Variants in PDXDC1 observed in about 807,000 individuals in gnomAD.
PDXDC1 encodes the protein pyridoxal-dependent decarboxylase domain-containing protein 1.
PDXDC1 carries 42 observed loss-of-function variants against 100.1 expected under a neutral mutation model. The ratio of observed to expected loss-of-function variants is 0.42; its 90% CI spans 0.33 to 0.54. The LOEUF (loss-of-function observed/expected upper bound fraction) is 0.54. Among genes scored for constraint, PDXDC1 ranks in the 20% least tolerant of loss-of-function variants. The pLI, the probability that PDXDC1 is intolerant of heterozygous loss-of-function variation, is 0.10. For synonymous variants in PDXDC1, 260 were observed against 371.7 expected (o/e 0.70, Z 3.46); for missense variants, 636 against 979.2 (o/e 0.65, Z 4.68).
intron 16 of PDXDC1, chr16:15,126,091 C>T (rs1217367864): frequency 8.1e-6 from 4 of 496,208 alleles, no homozygotes; most frequent in Non-Finnish European, 1.5e-5. Context: ...CTGGAGTGCA[C>T]TGGCGCAATC....
In PDXDC1 at chr16:14,998,424, C is replaced by G. The variant is rs780612449; in HGVS notation, c.161+19C>G. On this transcript the variant is annotated intron_variant, in intron 3 of 22. Coordinates refer to ENST00000396410, the MANE Select transcript of PDXDC1 (RefSeq NM_015027.4). ...AGGGCAGGTAGGTGGCACTGAGGAT[C>G]CATACCTTTAGTTAAGGTGTAAATT... 3 of 1,605,494 alleles carry G rather than the reference C, an allele frequency of 1.9e-6. No homozygotes were observed. The highest frequency in any genetic ancestry group is 2.5e-6 in the Non-Finnish European group (3 of 1,176,914).
intron 1 of PDXDC1, chr16:14,975,479 T>G (rs1269073924): frequency 1.0e-6 from 1 of 985,362 alleles, no homozygotes; most frequent in Non-Finnish European, 1.2e-6. Flanking sequence ...AGCCCAGGAC[T>G]GGGACCGCGG....
chr16:15,142,813 C>A (rs2048495759), downstream of PDXDC1, among the ~76,000 whole-genome samples: 1 of 151,922 alleles, frequency 6.6e-6, no homozygotes, highest in African/African-American at 2.4e-5. Flanking sequence ...GCCCTGCCCC[C>A]ACGTTCTGGT....
intron 16 of PDXDC1, among the ~76,000 whole-genome samples, chr16:15,096,681 G>A (rs534091784): frequency 6.6e-6 from 1 of 152,344 alleles, no homozygotes; most frequent in South Asian, 2.1e-4. Context: ...ACAATTATCT[G>A]TTTTGTTTTG....
At chr16:15,123,723 T>G (rs1411664618) in intron 16 of PDXDC1, among the ~76,000 whole-genome samples, 1 of 120,840 alleles carries the variant, frequency 8.3e-6, no homozygotes, top group Non-Finnish European at 1.7e-5. Context: ...GTGCTAGAAG[T>G]CAATGATTAA....
chr16:15,086,241 A>G (rs762262305), intron 16 of PDXDC1: 4 of 1,585,332 alleles, frequency 2.5e-6, no homozygotes, highest in South Asian at 1.1e-5. Flanking sequence ...TTTGACTTCT[A>G]TTCAACCAAG....
At chr16:15,135,599 T>C in intron 16 of PDXDC1, 1 of 1,416,812 alleles carries the variant, frequency 7.1e-7, no homozygotes, top group Non-Finnish European at 9.9e-7. Context: ...TCTGGGCTCA[T>C]GGGTGTGGAC....
intron 1 of PDXDC1, chr16:14,975,451 G>T (rs1447928556): frequency 1.0e-6 from 1 of 985,256 alleles, no homozygotes; most frequent in Non-Finnish European, 1.2e-6. Flanking sequence ...GGTTCGGTGG[G>T]GGCCGCGACG....
chr16:15,047,379 C>G, intron 16 of PDXDC1: 1 of 1,076,650 alleles, frequency 9.3e-7, no homozygotes, highest in Non-Finnish European at 1.4e-6. Context: ...GCTTCCACAG[C>G]CACGTCCTGT....
rs547459462 is a variant in PDXDC1, at chr16:15,099,082, G to T, written c.1400-39797G>T. Among the ~76,000 whole-genome samples the T allele has an allele frequency of 2.6e-5, 4 of 152,118 alleles. No homozygotes were observed. The East Asian group carries it at 5.8e-4, about 22-fold the overall frequency. On this transcript the variant is annotated intron_variant, in intron 16 of 16. Transcript: ENST00000535621. ...TTCCCAAAGCACAGCTAAGACTAAG[G>T]CTGCCAAGTTTTTAAAAAGATTTAA...
At chr16:15,074,112 G>T (rs562653108) in intron 16 of PDXDC1, among the ~76,000 whole-genome samples, 2 of 152,216 alleles carry the variant, frequency 1.3e-5, no homozygotes, top group East Asian at 3.9e-4. Context: ...CATTTAAATT[G>T]TTTTTATCCT....
rs1200494401 is a variant in PDXDC1, at chr16:14,993,622, T to A, written c.22-4131T>A. On this transcript the variant is annotated intron_variant, in intron 1 of 22. Transcript: ENST00000396410. ...AAACATACGTGTGCATGTGTCTTTATAGCGGCATGATTTATAATCCTTTGG... is the reference window on the plus strand; with the variant it reads ...AAACATACGTGTGCATGTGTCTTTAAAGCGGCATGATTTATAATCCTTTGG... 2.0e-5 allele frequency among the ~76,000 whole-genome samples: 3 copies of A among 152,414 alleles called. No individual in the cohort carries two copies. In the South Asian group the frequency reaches 6.2e-4, roughly 32 times the overall value.
the PDXDC1 span, among the ~76,000 whole-genome samples, chr16:15,151,951 A>C: frequency 6.4e-5 from 9 of 141,084 alleles, no homozygotes; most frequent in East Asian, 8.0e-4. Flanking sequence ...AAAAAAAAAA[A>C]AACACATGGG....
intron 16 of PDXDC1, chr16:15,135,105 G>A (rs1304818820): frequency 1.4e-5 from 9 of 628,130 alleles, no homozygotes; most frequent in Admixed American, 9.0e-5. Context: ...GTGGAACTGT[G>A]GCAGGTTTGG....
Position 15,104,470 on chromosome 16 carries a change from CACTCGGGAGGTGTCTTGAGATTA to C in PDXDC1, c.1400-34408_1400-34386del, listed in dbSNP as rs770211688. On this transcript the variant is annotated intron_variant, in intron 16 of 16. Transcript: ENST00000535621. ...AGGGTGGAAGGGGAGTGAGCAGACA[CACTCGGGAGGTGTCTTGAGATTA>C]TCATCCGCTGAGGGTGGAGCTGAGG... The C allele has an allele frequency of 3.5e-4, 244 of 690,254 alleles. 12 individuals are homozygous for C. The African/African-American group carries it at 4.8e-3, about 13-fold the overall frequency. The allele number at this position is 690,254 out of a possible 1,614,324, so 42.8% of individuals were successfully genotyped here. A position where few individuals can be genotyped will look rare whatever the true frequency, so the allele number is the denominator to read the frequency against.
At chr16:15,092,774 G>T (rs1200327058) in intron 16 of PDXDC1, among the ~76,000 whole-genome samples, 1 of 152,154 alleles carries the variant, frequency 6.6e-6, no homozygotes, top group Non-Finnish European at 1.5e-5. Context: ...CCTTTGCTCA[G>T]CAACCAATAA....
chr16:15,078,069 A>C (rs1451651083), intron 16 of PDXDC1, among the ~76,000 whole-genome samples: 3 of 152,178 alleles, frequency 2.0e-5, no homozygotes, highest in Non-Finnish European at 4.4e-5. Flanking sequence ...CATACCACTC[A>C]AACCATGCCA....
At chr16:15,128,742 A>G (rs2047896222) in intron 16 of PDXDC1, among the ~76,000 whole-genome samples, 1 of 151,888 alleles carries the variant, frequency 6.6e-6, no homozygotes, top group African/African-American at 2.4e-5. Context: ...CCCTCAGTTC[A>G]TGCATAGACT....
intron 16 of PDXDC1, among the ~76,000 whole-genome samples, chr16:15,093,406 G>C (rs778631251): frequency 9.9e-5 from 15 of 152,206 alleles, no homozygotes; most frequent in African/African-American, 3.4e-4. Flanking sequence ...CCATTACCTT[G>C]TTGTATAACT....
Sources: allele counts gnomAD v4.1 joint callset (sites outside exome capture counted in the v4.1 genomes callset), GRCh38; gene constraint gnomAD v4.1.1; transcripts MANE v1.5; gene names NCBI Gene and HGNC (gene_info 2026-07-23, HGNC 2026-07-21).